Variants in AGAP1 observed in about 807,000 individuals in gnomAD.
AGAP1 encodes ArfGAP with GTPase domain, ankyrin repeat and PH domain 1, also known as arf-GAP with GTPase, ANK repeat and PH domain-containing protein 1.
In AGAP1, 29 loss-of-function variants were observed where a neutral mutation model predicts 105.3. The observed-to-expected ratio is 0.28, with a 90% CI of 0.21 to 0.38. AGAP1 has a LOEUF of 0.38. Among genes scored for constraint, AGAP1 ranks in the 10% least tolerant of loss-of-function variants. The pLI, the probability that AGAP1 is intolerant of heterozygous loss-of-function variation, is 1.00. For missense variants in AGAP1, 998 were observed against 1,165.1 expected, an observed-to-expected ratio of 0.86 and a Z score of 2.09; for synonymous variants, 509 against 485.9, an observed-to-expected ratio of 1.05 and a Z score of -0.63.
Position 235,900,311 on chromosome 2 carries a change from C to T in AGAP1, c.1156-8427C>T, listed in dbSNP as rs1279737455. Among the ~76,000 whole-genome samples, 1 of 152,048 alleles carries T rather than the reference C, an allele frequency of 6.6e-6. No homozygotes were observed. The highest frequency in any genetic ancestry group is 1.5e-5 in the Non-Finnish European group (1 of 68,026). The stretch of plus-strand genomic sequence containing the variant: ...CTCCAGCCAACACTGTAACTTCCTT[C>T]TTAGCCTGTTGACTTTGAGGTAGGA... On this transcript the variant is annotated intron_variant, in intron 10 of 17. Coordinates refer to ENST00000304032, the MANE Select transcript of AGAP1 (RefSeq NM_001037131.3). The surrounding 1 kb of genome is among the most constrained non-coding windows in gnomAD (Gnocchi z 5.5).
chr2:235,884,452 G>GTTTTT lies in AGAP1; in HGVS notation c.1155+1016_1155+1020dup, dbSNP rs35976413. Reference sequence around the variant, plus strand: ...CTGTTGTATTAGGTTATTTTTCACTGTTTTTTTTTTTTTTTTTGAGAGGAG... The same window carrying GTTTTT: ...CTGTTGTATTAGGTTATTTTTCACTGTTTTTTTTTTTTTTTTTTTTTTGAGAGGAG... On this transcript the variant is annotated intron_variant, in intron 10 of 17. Coordinates refer to ENST00000304032, the MANE Select transcript of AGAP1 (RefSeq NM_001037131.3). Among the ~76,000 whole-genome samples, 282 of 124,648 alleles carry GTTTTT rather than the reference G, an allele frequency of 2.3e-3. 5 individuals are homozygous for GTTTTT. The highest frequency in any genetic ancestry group is 8.3e-3 in the African/African-American group (266 of 31,922). 81.8% of individuals were successfully genotyped at this position (124,648 alleles called of 152,430 possible). A position where few individuals can be genotyped will look rare whatever the true frequency, so the allele number is the denominator to read the frequency against.
intron 15 of AGAP1, among the ~76,000 whole-genome samples, chr2:236,041,619 A>G (rs2125682549): frequency 6.6e-6 from 1 of 152,364 alleles, no homozygotes; most frequent in South Asian, 2.1e-4. Context: ...GGAGACATTC[A>G]GTAAATTTCT....
intron 1 of AGAP1, among the ~76,000 whole-genome samples, chr2:235,618,439 A>ACCT: frequency 1.3e-5 from 2 of 151,846 alleles, no homozygotes; most frequent in South Asian, 4.2e-4. Flanking sequence ...AGTTTAATTG[A>ACCT]CCTCCTGCAG....
At chr2:235,529,219 A>G (rs569788656) in intron 1 of AGAP1, among the ~76,000 whole-genome samples, 1 of 152,296 alleles carries the variant, frequency 6.6e-6, no homozygotes, top group East Asian at 1.9e-4. Context: ...ATATGGTGGA[A>G]AGTTGATCTC....
chr2:235,507,823 T>C (rs1005734105), intron 1 of AGAP1, among the ~76,000 whole-genome samples: 3 of 152,126 alleles, frequency 2.0e-5, no homozygotes, highest in African/African-American at 7.2e-5. Context: ...TAAAAACTTT[T>C]AGTTTCAGGG....
At chr2:236,100,779 G>A (rs151194627) in intron 16 of AGAP1, among the ~76,000 whole-genome samples, 2,890 of 151,336 alleles carry the variant, frequency 0.019, 102 homozygotes, top group African/African-American at 0.067. Flanking sequence ...GCAGTGAGCC[G>A]AGATCGTGTC....
At chr2:235,650,408 C>A (rs551787837) in intron 1 of AGAP1, among the ~76,000 whole-genome samples, 1 of 152,140 alleles carries the variant, frequency 6.6e-6, no homozygotes, top group Non-Finnish European at 1.5e-5. Flanking sequence ...TCTGTCCTTA[C>A]GTCCTTCCAT....
At position 235,494,100 on chromosome 2, in the gene AGAP1, C is replaced by G. The variant is rs1047865647; in HGVS notation, c.-587C>G. 2.8e-5 allele frequency: 4 copies of G among 145,332 alleles called. No individual in the cohort carries two copies. Among genetic ancestry groups the G allele is most frequent in the African/African-American group, 9.9e-5 (4 of 40,356 alleles). The allele number at this position is 145,332 out of a possible 1,614,324, so 9.0% of individuals were successfully genotyped here. On this transcript the variant is annotated 5_prime_UTR_variant, in exon 1 of 18. Coordinates refer to ENST00000304032, the MANE Select transcript of AGAP1 (RefSeq NM_001037131.3). Reference sequence around the variant, plus strand: ...GGCAGGCGGCGGGCGGCGCTCGGAGCGGGCTCCGCGGCTTGCAAGGCGCCT... The same window carrying G: ...GGCAGGCGGCGGGCGGCGCTCGGAGGGGGCTCCGCGGCTTGCAAGGCGCCT...
Position 235,621,135 on chromosome 2 carries a change from C to T in AGAP1, c.164-88044C>T, listed in dbSNP as rs764745566. On this transcript the variant is annotated intron_variant, in intron 1 of 17. Transcript: ENST00000304032. The surrounding 1 kb of genome is among the most constrained non-coding windows in gnomAD (Gnocchi z 4.1). ...CTCCTAGGTTCAAGCAATTCTCCTG[C>T]CTTGGCCTCCGGAGGAGCTGAGACT... 2.6e-5 allele frequency among the ~76,000 whole-genome samples: 4 copies of T among 152,144 alleles called. No individual in the cohort carries two copies. The highest frequency in any genetic ancestry group is 4.4e-5 in the Non-Finnish European group (3 of 68,030).
intron 1 of AGAP1, among the ~76,000 whole-genome samples, chr2:235,495,364 T>C (rs1324397245): frequency 6.6e-6 from 1 of 152,236 alleles, no homozygotes; most frequent in Admixed American, 6.5e-5. Context: ...ACTTAGTGGA[T>C]GCCGAGAGCC....
At position 235,855,322 on chromosome 2, in the gene AGAP1, G is replaced by C. The variant is rs1047410368; in HGVS notation, c.1051-28023G>C. On this transcript the variant is annotated intron_variant, in intron 9 of 17. Transcript: ENST00000304032. The surrounding 1 kb of genome is among the most constrained non-coding windows in gnomAD (Gnocchi z 5.0). ...TTCCAGGGAGTGAGTAGTGTGACAG[G>C]CATGTCAAAATTAATCATCAGTAGA... Among the ~76,000 whole-genome samples the C allele has an allele frequency of 6.6e-6, 1 of 152,144 alleles. No homozygotes were observed. Among genetic ancestry groups the C allele is most frequent in the Non-Finnish European group, 1.5e-5 (1 of 68,024 alleles).
In AGAP1 at chr2:236,062,353, A is replaced by G. The variant is rs1478894447; in HGVS notation, c.2114+13072A>G. On this transcript the variant is annotated intron_variant, in intron 16 of 17. Transcript: ENST00000304032. The surrounding 1 kb of genome is among the most constrained non-coding windows in gnomAD (Gnocchi z 4.2). ...AACCCACCCCAGATCTGACCTCCCT[A>G]GAGGAAGCCATGGCCAGAGGGGAGG... is the stretch of plus-strand genomic sequence containing the variant. Among the ~76,000 whole-genome samples, 1 of 152,026 alleles carries G rather than the reference A, an allele frequency of 6.6e-6. No individual in the cohort carries two copies. The highest frequency in any genetic ancestry group is 1.5e-5 in the Non-Finnish European group (1 of 67,980).
In AGAP1 at chr2:235,744,304, G is replaced by A. The variant is rs930399050; in HGVS notation, c.397-394G>A. On this transcript the variant is annotated intron_variant, in intron 4 of 17. Coordinates refer to ENST00000304032, the MANE Select transcript of AGAP1 (RefSeq NM_001037131.3). This position sits in a 1 kb window ranked among gnomAD's most constrained non-coding sequence, Gnocchi z 5.2. ...GCTTCCTTAAGAGGTTGAGAGTACA[G>A]TGGAAAGCCTTAGGGCTTGAGGGGC... Among the ~76,000 whole-genome samples the A allele has an allele frequency of 1.3e-5, 2 of 152,192 alleles. No individual in the cohort carries two copies. The highest frequency in any genetic ancestry group is 2.4e-5 in the African/African-American group (1 of 41,442).
rs1374729786 is a variant in AGAP1 at position 235,875,821 on chromosome 2, A to G, written c.1051-7524A>G. Among the ~76,000 whole-genome samples, 1 of 152,218 alleles carries G rather than the reference A, an allele frequency of 6.6e-6. No homozygotes were observed. The highest frequency in any genetic ancestry group is 2.4e-5 in the African/African-American group (1 of 41,450). ...TTATCCGGACTAATCAGACAAAAAC[A>G]TCTTCCAAAATACATTATAATTGCA... On this transcript the variant is annotated intron_variant, in intron 9 of 17. Transcript: ENST00000304032. The surrounding 1 kb of genome is among the most constrained non-coding windows in gnomAD (Gnocchi z 4.0).
rs966943786 is a variant in AGAP1 at position 236,035,930 on chromosome 2, G to A, written c.1646-631G>A. On this transcript the variant is annotated intron_variant, in intron 13 of 17. Coordinates refer to ENST00000304032, the MANE Select transcript of AGAP1 (RefSeq NM_001037131.3). The surrounding 1 kb of genome is among the most constrained non-coding windows in gnomAD (Gnocchi z 4.2). ...TAGATGTGGCAGGTGGGGTCGCAGG[G>A]TATACCCCCAAGTTCCTCTCTTCCC... Among the ~76,000 whole-genome samples the A allele has an allele frequency of 4.6e-5, 7 of 152,052 alleles. No homozygotes were observed. Among genetic ancestry groups the A allele is most frequent in the Admixed American group, 4.6e-4 (7 of 15,262 alleles).
At chr2:235,782,573 C>T (rs533115085) in intron 6 of AGAP1, among the ~76,000 whole-genome samples, 1 of 148,186 alleles carries the variant, frequency 6.7e-6, no homozygotes, top group Admixed American at 7.2e-5. Context: ...TTCTTTTTGT[C>T]TATGCTTGTT....
rs1418245617 is a variant in AGAP1 at position 235,807,391 on chromosome 2, G to A, written c.1050+60G>A. 2.0e-6 allele frequency: 3 copies of A among 1,472,996 alleles called. No individual in the cohort carries two copies. In the African/African-American group the frequency reaches 4.3e-5, roughly 21 times the overall value. 91.2% of individuals were successfully genotyped at this position (1,472,996 alleles called of 1,614,324 possible). A position where few individuals can be genotyped will look rare whatever the true frequency, so the allele number is the denominator to read the frequency against. On this transcript the variant is annotated intron_variant, in intron 9 of 17. Coordinates refer to ENST00000304032, the MANE Select transcript of AGAP1 (RefSeq NM_001037131.3). ...CGGAGATACACCTCAGGTCTTCCTGGAGATGATGCTGGCTCTCGCACCAAG... is the reference window on the plus strand; with the variant it reads ...CGGAGATACACCTCAGGTCTTCCTGAAGATGATGCTGGCTCTCGCACCAAG...
At chr2:236,098,124 T>C (rs1351217751) in intron 16 of AGAP1, among the ~76,000 whole-genome samples, 1 of 152,214 alleles carries the variant, frequency 6.6e-6, no homozygotes, top group Non-Finnish European at 1.5e-5. Context: ...TTAGCTATTG[T>C]GAATAATGCT....
In AGAP1 at chr2:235,888,030, T is replaced by G. The variant is rs1430264982; in HGVS notation, c.1155+4581T>G. 2.0e-5 allele frequency among the ~76,000 whole-genome samples: 3 copies of G among 152,156 alleles called. No homozygotes were observed. Among genetic ancestry groups the G allele is most frequent in the Admixed American group, 6.5e-5 (1 of 15,280 alleles). ...TATCTTCTGTCCACGTGTGTGCCGC[T>G]CACAGTCCACGTAAGGCTGCGCCCT... On this transcript the variant is annotated intron_variant, in intron 10 of 17. Transcript: ENST00000304032. The surrounding 1 kb of genome is among the most constrained non-coding windows in gnomAD (Gnocchi z 4.8).
Sources: allele counts gnomAD v4.1 joint callset (sites outside exome capture counted in the v4.1 genomes callset), GRCh38; gene constraint gnomAD v4.1.1; non-coding constraint Gnocchi (gnomAD v3.1); transcripts MANE v1.5; gene names NCBI Gene and HGNC (gene_info 2026-07-23, HGNC 2026-07-21).